FYB1: variants seen among roughly 807,000 people sequenced by gnomAD.
FYB1 encodes FYN-binding protein 1.
A neutral mutation model predicts 94.1 loss-of-function variants in FYB1; 41 were observed. That is an observed-to-expected ratio of 0.44 (90% CI 0.34 to 0.57). FYB1 has a LOEUF of 0.57. FYB1 is among the 20% of genes least tolerant of loss of function. The pLI is 0.02. For missense variants in FYB1, 1,050 were observed against 976.8 expected, an observed-to-expected ratio of 1.07 and a Z score of -1.00; for synonymous variants, 367 against 353.2, an observed-to-expected ratio of 1.04 and a Z score of -0.44.
In FYB1 at chr5:39,209,296, T is replaced by C. The variant is rs1344144806; in HGVS notation, c.-27-6309A>G. On this transcript the variant is annotated intron_variant, in intron 1 of 18. Coordinates refer to ENST00000512982, the MANE Select transcript of FYB1 (RefSeq NM_001465.6). ...TCTATCGATAATAGAACAGCAGTGA[T>C]CTTTTTTATCCCGATTAACACTGTT... is the stretch of plus-strand genomic sequence containing the variant. 4.0e-5 allele frequency among the ~76,000 whole-genome samples: 6 copies of C among 151,728 alleles called. No individual in the cohort carries two copies. The East Asian group carries it at 9.7e-4, about 25-fold the overall frequency.
intron 16 of FYB1, among the ~76,000 whole-genome samples, chr5:39,117,195 C>T (rs1001814038): frequency 6.6e-6 from 1 of 152,084 alleles, no homozygotes. Flanking sequence ...AGTTTAGCTT[C>T]TCTTCTTTGC....
intron 2 of FYB1, among the ~76,000 whole-genome samples, chr5:39,188,983 C>G (rs967901941): frequency 6.6e-6 from 1 of 152,138 alleles, no homozygotes; most frequent in African/African-American, 2.4e-5. Flanking sequence ...GTTTAAGAAC[C>G]TTTGAAAGAT....
intron 2 of FYB1, among the ~76,000 whole-genome samples, chr5:39,179,006 G>A (rs2150417176): frequency 6.6e-6 from 1 of 152,310 alleles, no homozygotes; most frequent in South Asian, 2.1e-4. Flanking sequence ...GCATGTAAAT[G>A]TCGGCTTGTT....
At chr5:39,162,031 T>A (rs1047067983) in intron 2 of FYB1, among the ~76,000 whole-genome samples, 2 of 152,248 alleles carry the variant, frequency 1.3e-5, no homozygotes, top group African/African-American at 4.8e-5. Context: ...AATATTACTA[T>A]CTTATGGCTG....
intron 1 of FYB1, among the ~76,000 whole-genome samples, chr5:39,261,730 A>G (rs1752227910): frequency 6.6e-6 from 1 of 151,992 alleles, no homozygotes; most frequent in Non-Finnish European, 1.5e-5. Flanking sequence ...CTGGGCAACA[A>G]GGCGAGACTC....
intron 2 of FYB1, among the ~76,000 whole-genome samples, chr5:39,166,287 T>C (rs985978351): frequency 6.6e-6 from 1 of 151,888 alleles, no homozygotes; most frequent in African/African-American, 2.4e-5. Flanking sequence ...AAATACAAAA[T>C]TATCCGGGCC....
Position 39,126,127 on chromosome 5 carries a change from A to T in FYB1, c.1916T>A (p.Leu639Gln). 6.2e-7 allele frequency: 1 copy of T among 1,613,256 alleles called. No homozygotes were observed. The highest frequency in any genetic ancestry group is 8.5e-7 in the Non-Finnish European group (1 of 1,179,540). Residue 639 changes from leucine to glutamine, a missense_variant, in exon 12 of 19, where the codon CTA becomes CAA. By Grantham distance (113) the Leu-to-Gln change is moderately radical. Transcript: ENST00000512982. ...CGTATTACTCTTCTCTTGAACCTGT[A>T]GTGTGGAGCTTTGGAGCATGCAGGC... ...EEEDADDGST[L>Q]QVQEKSNTWS...
chr5:39,134,096 T>A (rs1741443085), intron 9 of FYB1, 112 bp downstream of exon 9: 1 of 692,046 alleles, frequency 1.4e-6, no homozygotes, highest in Non-Finnish European at 2.3e-6. Context: ...TCATTTAGTT[T>A]AGTGATAGAG....
chr5:39,269,999 C>T (rs186224894), intron 1 of FYB1, among the ~76,000 whole-genome samples: 1 of 152,198 alleles, frequency 6.6e-6, no homozygotes, highest in East Asian at 1.9e-4. Flanking sequence ...TGCTGGGAAC[C>T]CACTCACCAT....
At chr5:39,168,528 C>T (rs534026032) in intron 2 of FYB1, among the ~76,000 whole-genome samples, 194 of 152,202 alleles carry the variant, frequency 1.3e-3, no homozygotes, top group Middle Eastern at 0.01. Flanking sequence ...CCCTAATTGC[C>T]ACAGTTAGGT....
At chr5:39,205,529 G>A (rs550326934) in intron 1 of FYB1, among the ~76,000 whole-genome samples, 5 of 152,280 alleles carry the variant, frequency 3.3e-5, no homozygotes, top group Middle Eastern at 3.4e-3. Context: ...GAAATGGAAA[G>A]CAAGAGTTTT....
At chr5:39,107,945 T>A (rs1265475921) in intron 18 of FYB1, among the ~76,000 whole-genome samples, 1 of 152,092 alleles carries the variant, frequency 6.6e-6, no homozygotes, top group Non-Finnish European at 1.5e-5. Flanking sequence ...TTTGCTTGGA[T>A]AAAAGAAATT....
At chr5:39,218,951 T>C (rs960296740) in intron 1 of FYB1, among the ~76,000 whole-genome samples, 1 of 152,226 alleles carries the variant, frequency 6.6e-6, no homozygotes, top group African/African-American at 2.4e-5. Context: ...GTATAGTCCC[T>C]TTCTTTAGTC....
chr5:39,248,770 G>A (rs1751590882), intron 1 of FYB1, among the ~76,000 whole-genome samples: 2 of 152,090 alleles, frequency 1.3e-5, no homozygotes, highest in Non-Finnish European at 1.5e-5. Context: ...CAGGGAGGTG[G>A]TTTTTGCAGC....
intron 1 of FYB1, among the ~76,000 whole-genome samples, chr5:39,204,443 G>A (rs1748663866): frequency 6.6e-6 from 1 of 152,158 alleles, no homozygotes. Flanking sequence ...CATGGAATTT[G>A]TAAAATGCCT....
intron 1 of FYB1, among the ~76,000 whole-genome samples, chr5:39,254,946 G>A (rs1751869518): frequency 6.6e-6 from 1 of 152,166 alleles, no homozygotes; most frequent in Admixed American, 6.5e-5. Context: ...CAAAAGCACA[G>A]CTGTAAAAGG....
intron 2 of FYB1, among the ~76,000 whole-genome samples, chr5:39,157,064 G>A (rs1743827547): frequency 6.6e-6 from 1 of 152,028 alleles, no homozygotes; most frequent in Non-Finnish European, 1.5e-5. Context: ...AGCCCTATGG[G>A]GGTATATGTT....
chr5:39,182,960 A>G (rs1183311804), intron 2 of FYB1, among the ~76,000 whole-genome samples: 1 of 152,226 alleles, frequency 6.6e-6, no homozygotes, highest in Non-Finnish European at 1.5e-5. Context: ...CATTCTAAGC[A>G]AAACTAAGTT....
At chr5:39,210,202 C>A (rs776437106) in intron 1 of FYB1, among the ~76,000 whole-genome samples, 5 of 152,118 alleles carry the variant, frequency 3.3e-5, no homozygotes, top group Admixed American at 1.3e-4. Context: ...ACAACCCCAG[C>A]GATGCCCTGT....
Sources: allele counts gnomAD v4.1 joint callset (sites outside exome capture counted in the v4.1 genomes callset), GRCh38; gene constraint gnomAD v4.1.1; transcripts MANE v1.5; gene names NCBI Gene and HGNC (gene_info 2026-07-23, HGNC 2026-07-21).